Variants in SCN8A observed in about 807,000 individuals in gnomAD.
The protein encoded by SCN8A is sodium voltage-gated channel alpha subunit 8, also known as sodium channel protein type 8 subunit alpha.
A neutral mutation model predicts 184.1 loss-of-function variants in SCN8A; 30 were observed. The observed-to-expected ratio is 0.16, with a 90% CI of 0.12 to 0.22. SCN8A has a LOEUF of 0.22. Ranked by LOEUF, SCN8A falls within the 10% of genes least tolerant of loss-of-function variation. SCN8A has a pLI of 1.00. For missense variants in SCN8A, 1,057 were observed against 2,498.9 expected (o/e 0.42, Z 12.30); for synonymous variants, 852 against 907.0 (o/e 0.94, Z 1.09).
At position 51,787,739 on chromosome 12, in the gene SCN8A, A is replaced by G. The variant is rs571951709; in HGVS notation, c.4227+913A>G. ...AGTTCTTGGGAGACTAACTGCAATA[A>G]CAGATGAAGCTCTCAACCTAACCTT... On this transcript the variant is annotated intron_variant, in intron 22 of 26. Transcript: ENST00000627620. 3.3e-5 allele frequency among the ~76,000 whole-genome samples: 5 copies of G among 152,340 alleles called. No homozygotes were observed. The East Asian group carries it at 9.6e-4, about 29-fold the overall frequency.
At chr12:51,609,533 A>G (rs1275064745) in intron 1 of SCN8A, among the ~76,000 whole-genome samples, 1 of 152,182 alleles carries the variant, frequency 6.6e-6, no homozygotes, top group East Asian at 1.9e-4. Context: ...ACCATTTTAT[A>G]ATGTCCCTCT....
At position 51,768,879 on chromosome 12, in the gene SCN8A, T is replaced by C; in HGVS notation, c.2916T>C (p.Phe972=). 6.4e-7 allele frequency: 1 copy of C among 1,566,548 alleles called. No homozygotes were observed. The highest frequency in any genetic ancestry group is 8.7e-7 in the Non-Finnish European group (1 of 1,153,482). ...VIGNLVVLNL[F]LALLLSSFSA... is the part of the protein sequence containing the mutation. ...TACTGGCATAGGTGCTGAACCTGTT[T>C]CTGGCCTTGCTCCTGAGCTCCTTCA... The change falls in exon 17 of 27, where the codon TTT becomes TTC. Residue 972 remains phenylalanine (F), a synonymous_variant. Transcript: ENST00000627620.
At chr12:51,753,638 C>G (rs928460692) in intron 14 of SCN8A, among the ~76,000 whole-genome samples, 1 of 152,132 alleles carries the variant, frequency 6.6e-6, no homozygotes, top group Non-Finnish European at 1.5e-5. Flanking sequence ...GTTTTCATTC[C>G]TATTAGATAT....
chr12:51,809,672 T>A lies in SCN8A; in HGVS notation c.*2243T>A, dbSNP rs1337287533. 2 of 152,278 alleles carry A rather than the reference T, an allele frequency of 1.3e-5. No individual in the cohort carries two copies. The highest frequency in any genetic ancestry group is 4.8e-5 in the African/African-American group (2 of 41,478). 9.4% of individuals were successfully genotyped at this position (152,278 alleles called of 1,614,324 possible). ...ACAAAACAGAAGCTGACATGTGTGG[T>A]TATTCTTTTTAAGAGAATTATAAAT... On this transcript the variant is annotated 3_prime_UTR_variant, in exon 27 of 27. Transcript: ENST00000627620.
intron 26 of SCN8A, among the ~76,000 whole-genome samples, chr12:51,798,378 C>T (rs1484170207): frequency 6.6e-6 from 1 of 152,160 alleles, no homozygotes; most frequent in Admixed American, 6.5e-5. Flanking sequence ...TAAGCAAACC[C>T]ATATCCAGAG....
At chr12:51,783,945 C>T (rs1938002628) in intron 21 of SCN8A, among the ~76,000 whole-genome samples, 1 of 152,120 alleles carries the variant, frequency 6.6e-6, no homozygotes, top group Admixed American at 6.5e-5. Flanking sequence ...TAAAACCTAG[C>T]TTTGAGTGAT....
chr12:51,768,789 G>GCTTC, intron 16 of SCN8A, 76 bp from the exon 17 acceptor site: 1 of 1,220,082 alleles, frequency 8.2e-7, no homozygotes, highest in Non-Finnish European at 1.1e-6. Context: ...AAGTCCATTG[G>GCTTC]CTTCCAGTTT....
intron 26 of SCN8A, among the ~76,000 whole-genome samples, chr12:51,804,343 T>A (rs76488113): frequency 2.0e-5 from 3 of 151,728 alleles, no homozygotes; most frequent in African/African-American, 7.3e-5. Context: ...TTTTTTTTTT[T>A]AAAGACAGAG....
At chr12:51,634,821 G>A (rs1033873674) in intron 1 of SCN8A, among the ~76,000 whole-genome samples, 5 of 151,594 alleles carry the variant, frequency 3.3e-5, no homozygotes, top group African/African-American at 7.3e-5. Context: ...GCTAATTTTT[G>A]TATTTTTTAG....
intron 1 of SCN8A, among the ~76,000 whole-genome samples, chr12:51,650,636 C>T (rs1940691213): frequency 6.7e-6 from 1 of 149,316 alleles, no homozygotes; most frequent in Non-Finnish European, 1.5e-5. Context: ...TGGCCATAAA[C>T]AAAATCTCTG....
intron 12 of SCN8A, among the ~76,000 whole-genome samples, chr12:51,740,116 C>T (rs750729359): frequency 1.1e-4 from 17 of 152,228 alleles, no homozygotes; most frequent in Non-Finnish European, 1.5e-4. Flanking sequence ...CCACCCTGGG[C>T]GGGCCAGGTG....
At chr12:51,657,663 T>G (rs10747619) in intron 1 of SCN8A, among the ~76,000 whole-genome samples, 123,546 of 152,090 alleles carry the variant, frequency 0.81, 51,131 homozygotes, top group East Asian at 0.99. Flanking sequence ...TGCCTGTGTT[T>G]CCTGTGCTTT....
chr12:51,592,566 G>T (rs138686718), intron 1 of SCN8A, among the ~76,000 whole-genome samples: 1 of 151,964 alleles, frequency 6.6e-6, no homozygotes, highest in Non-Finnish European at 1.5e-5. Flanking sequence ...CATCTGTTTG[G>T]GGGGAGGGTA....
chr12:51,692,281 C>T (rs983097393), intron 6 of SCN8A, among the ~76,000 whole-genome samples: 2 of 152,202 alleles, frequency 1.3e-5, no homozygotes, highest in African/African-American at 2.4e-5. Flanking sequence ...CACCCACCCC[C>T]AACCTGGGCT....
chr12:51,636,980 G>T (rs773439873), intron 1 of SCN8A, among the ~76,000 whole-genome samples: 4 of 152,050 alleles, frequency 2.6e-5, no homozygotes, highest in Non-Finnish European at 5.9e-5. Context: ...CAAGTCTGTC[G>T]GGACCATTTT....
intron 1 of SCN8A, among the ~76,000 whole-genome samples, chr12:51,646,902 G>A (rs1159117087): frequency 6.6e-6 from 1 of 152,216 alleles, no homozygotes; most frequent in African/African-American, 2.4e-5. Context: ...CTATATGGAT[G>A]TATGTACAAG....
chr12:51,793,861 A>C (rs1209372474), intron 25 of SCN8A, among the ~76,000 whole-genome samples: 5 of 151,822 alleles, frequency 3.3e-5, no homozygotes, highest in Admixed American at 1.3e-4. Context: ...AACAGAAAGA[A>C]AGGCCAGGCA....
chr12:51,632,909 C>T (rs766957523), intron 1 of SCN8A, among the ~76,000 whole-genome samples: 8 of 149,394 alleles, frequency 5.4e-5, no homozygotes, highest in Non-Finnish European at 1.2e-4. Flanking sequence ...CGTGCTTTTA[C>T]AGCCCCCTTC....
At chr12:51,599,324 G>A (rs888176055) in intron 1 of SCN8A, among the ~76,000 whole-genome samples, 6 of 152,294 alleles carry the variant, frequency 3.9e-5, no homozygotes, top group African/African-American at 1.2e-4. Context: ...TAAATAAATG[G>A]TATAGTTAAT....
Sources: allele counts gnomAD v4.1 joint callset (sites outside exome capture counted in the v4.1 genomes callset), GRCh38; gene constraint gnomAD v4.1.1; transcripts MANE v1.5; gene names NCBI Gene and HGNC (gene_info 2026-07-23, HGNC 2026-07-21).